The following IGSF10 variants were observed in gnomAD, a reference collection of about 807,000 sequenced individuals.
The protein encoded by IGSF10 is immunoglobulin superfamily member 10.
A neutral mutation model predicts 128.2 loss-of-function variants in IGSF10; 126 were observed. The ratio of observed to expected loss-of-function variants is 0.98; its 90% CI spans 0.85 to 1.14. The LOEUF (loss-of-function observed/expected upper bound fraction) is 1.14, where lower values mean the gene tolerates loss of function less well. IGSF10 is among the 50% of genes most tolerant of loss of function. The probability of loss-of-function intolerance (pLI) is 0.00; values close to 1 mark genes in which losing one functional copy is unlikely to be tolerated. For missense variants in IGSF10, 3,295 were observed against 3,149.8 expected, an observed-to-expected ratio of 1.05 and a Z score of -1.10; for synonymous variants, 1,185 against 1,146.2, an observed-to-expected ratio of 1.03 and a Z score of -0.68.
the IGSF10 span, among the ~76,000 whole-genome samples, chr3:151,584,288 C>T: frequency 2.0e-5 from 3 of 152,286 alleles, no homozygotes; most frequent in East Asian, 5.8e-4. Flanking sequence ...TTGGCATTTG[C>T]ATAGTACATC....
Position 151,443,663 on chromosome 3 carries a change from T to C in IGSF10, c.5284A>G (p.Thr1762Ala), listed in dbSNP as rs781582867. ...TKEITVHSGS[T>A]VELKCRAEGR... ...TCTGCTCTGCACTTCAGTTCCACAGTGCTTCCGGAATGAACTGTGATCTCT... is the reference window on the plus strand; with the variant it reads ...TCTGCTCTGCACTTCAGTTCCACAGCGCTTCCGGAATGAACTGTGATCTCT... Residue 1762 changes from threonine to alanine, a missense_variant, in exon 7 of 8, where the codon ACT becomes GCT. Physicochemically the swap from Thr to Ala is moderately conservative, Grantham distance 58. Coordinates refer to ENST00000282466, the MANE Select transcript of IGSF10 (RefSeq NM_178822.5). The C allele has an allele frequency of 3.1e-6, 5 of 1,614,084 alleles. No individual in the cohort carries two copies. Among genetic ancestry groups the C allele is most frequent in the East Asian group, 2.2e-5 (1 of 44,894 alleles).
Position 151,453,663 on chromosome 3 carries a change from G to A in IGSF10, c.436C>T (p.Pro146Ser). Residue 146 changes from proline to serine, a missense_variant, in exon 5 of 8, where the codon CCA (proline) becomes TCA (serine). Transcript: ENST00000282466. ...MDHNNIEFIN[P>S]EVFYGLNFLR... The stretch of plus-strand genomic sequence containing the variant: ...AAGTTGAGCCCATAAAAAACCTCTG[G>A]GTTTATAAACTCAATATTGTTGTGG... 2 of 1,613,628 alleles carry A rather than the reference G, an allele frequency of 1.2e-6. No individual in the cohort carries two copies. Among genetic ancestry groups the A allele is most frequent in the African/African-American group, 1.3e-5 (1 of 74,956 alleles).
At chr3:151,468,542 G>T in the IGSF10 span, among the ~76,000 whole-genome samples, 1 of 152,126 alleles carries the variant, frequency 6.6e-6, no homozygotes, top group Non-Finnish European at 1.5e-5. Flanking sequence ...CATTGACGGG[G>T]CTCCCAGGGA....
chr3:151,587,507 G>T, the IGSF10 span, among the ~76,000 whole-genome samples: 6 of 152,096 alleles, frequency 3.9e-5, no homozygotes, highest in African/African-American at 1.4e-4. Context: ...TCTGGGCATT[G>T]AATCAGATTT....
the IGSF10 span, among the ~76,000 whole-genome samples, chr3:151,515,250 A>G: frequency 1.3e-5 from 2 of 152,142 alleles, no homozygotes; most frequent in African/African-American, 4.8e-5. Flanking sequence ...TGGATTAAGA[A>G]AATGTGGCAC....
At chr3:151,551,566 T>G in the IGSF10 span, among the ~76,000 whole-genome samples, 1 of 152,062 alleles carries the variant, frequency 6.6e-6, no homozygotes, top group Admixed American at 6.6e-5. Flanking sequence ...TCAACTGCAC[T>G]TTAATTTGAG....
Position 151,443,771 on chromosome 3 carries a change from A to G in IGSF10, c.5176T>C (p.Ser1726Pro). 2 of 1,614,164 alleles carry G rather than the reference A, an allele frequency of 1.2e-6. No individual in the cohort carries two copies. Among genetic ancestry groups the G allele is most frequent in the Non-Finnish European group, 8.5e-7 (1 of 1,180,036 alleles). The change falls in exon 7 of 8, where the codon TCC becomes CCC. Residue 1726 changes from serine (S) to proline (P), a missense_variant. Transcript: ENST00000282466. ...QDRGQYLCSA[S>P]NLFGTDHLHV... is the part of the protein sequence containing the mutation. ...AGGTGGTCTGTGCCAAACAGATTGG[A>G]TGCGGAACACAAGTACTGTCCGCGG...
chr3:151,528,980 AGT>A, the IGSF10 span, among the ~76,000 whole-genome samples: 1 of 152,006 alleles, frequency 6.6e-6, no homozygotes, highest in Admixed American at 6.5e-5. Context: ...CCAGCACAGC[AGT>A]CTGAGGTCAA....
intron 4 of IGSF10, 94 bp from the exon 5 acceptor site, chr3:151,453,868 A>C: frequency 1.4e-6 from 1 of 729,124 alleles, no homozygotes; most frequent in Non-Finnish European, 2.3e-6. Context: ...GTTGAAATTA[A>C]TTCAGTGCAA....
In IGSF10 at chr3:151,447,058, G is replaced by A. The variant is rs767135442; in HGVS notation, c.2923C>T (p.Gln975Ter). Residue 975 changes from glutamine to a stop codon, truncating the protein, a stop_gained, in exon 6 of 8, where the codon CAA (glutamine) becomes TAA (stop). Transcript: ENST00000282466. LOFTEE classifies it high-confidence loss of function. ...RHNHFYSHTT[Q>*]ILSTSTFPSD... ...GGGAACGTGGAGGTGCTAAGTATTT[G>A]AGTAGTGTGAGAATAGAAGTGATTG... 2.5e-6 allele frequency: 4 copies of A among 1,614,126 alleles called. No individual in the cohort carries two copies. Among genetic ancestry groups the A allele is most frequent in the Non-Finnish European group, 3.4e-6 (4 of 1,179,958 alleles).
At chr3:151,514,222 T>C in the IGSF10 span, among the ~76,000 whole-genome samples, 4 of 152,054 alleles carry the variant, frequency 2.6e-5, no homozygotes, top group African/African-American at 7.2e-5. Context: ...CTTCAAACTA[T>C]ACTACAAGGT....
the IGSF10 span, among the ~76,000 whole-genome samples, chr3:151,572,127 T>C: frequency 6.6e-6 from 1 of 152,206 alleles, no homozygotes; most frequent in Admixed American, 6.5e-5. Flanking sequence ...TTTGCCGGTA[T>C]TTTATTGAGG....
rs147401923 is a variant in IGSF10, at chr3:151,443,633, T to C, written c.5314A>G (p.Arg1772Gly). The C allele has an allele frequency of 7.4e-6, 12 of 1,614,134 alleles. No individual in the cohort carries two copies. The highest frequency in any genetic ancestry group is 5.3e-5 in the African/African-American group (4 of 74,946). Residue 1772 changes from arginine to glycine, a missense_variant, in exon 7 of 8, where the codon AGG (arginine) becomes GGG (glycine). Transcript: ENST00000282466. ...TVELKCRAEG[R>G]PSPTVTWILA... ...ATCCAGGTAACTGTAGGGCTTGGCC[T>C]ACCTTCTGCTCTGCACTTCAGTTCC...
At chr3:151,538,828 T>TA in the IGSF10 span, among the ~76,000 whole-genome samples, 1 of 152,188 alleles carries the variant, frequency 6.6e-6, no homozygotes, top group Non-Finnish European at 1.5e-5. Flanking sequence ...CTTGGACCCT[T>TA]AAAACCATTA....
At chr3:151,438,820 TGA>T (rs1410156070) in intron 7 of IGSF10, among the ~76,000 whole-genome samples, 2 of 133,918 alleles carry the variant, frequency 1.5e-5, no homozygotes, top group East Asian at 5.2e-4. Flanking sequence ...ATATACATTT[TGA>T]GATATATATA....
the IGSF10 span, among the ~76,000 whole-genome samples, chr3:151,473,137 C>T: frequency 7.2e-4 from 109 of 152,318 alleles, 1 homozygote; most frequent in Middle Eastern, 3.4e-3. Context: ...TTTTCCTCAT[C>T]TTTTGTTGCC....
chr3:151,507,098 T>C, the IGSF10 span, among the ~76,000 whole-genome samples: 3 of 152,234 alleles, frequency 2.0e-5, no homozygotes, highest in Non-Finnish European at 4.4e-5. Flanking sequence ...TCTGGTGACA[T>C]GTTCTTAGTG....
the IGSF10 span, among the ~76,000 whole-genome samples, chr3:151,617,335 C>T: frequency 0.11 from 8,357 of 76,884 alleles, 514 homozygotes; most frequent in Middle Eastern, 0.14. Flanking sequence ...CTCCTCCTCC[C>T]CCTCCTCCTC....
chr3:151,458,618 C>T lies in IGSF10; in HGVS notation c.92G>A (p.Arg31His), dbSNP rs374510873. ...CGTAGGCATATAACAGGCACAGCGG[C>T]GAGGACAGGCCTTGCCCCCAGGGGT... ...VATPGGKACP[R>H]RCACYMPTEV... Residue 31 changes from arginine (R) to histidine (H), a missense_variant, in exon 3 of 8, where the codon CGC (arginine) becomes CAC (histidine). Physicochemically the swap from Arg to His is conservative, Grantham distance 29. Transcript: ENST00000282466. 17 of 1,614,018 alleles carry T rather than the reference C, an allele frequency of 1.1e-5. No individual in the cohort carries two copies. In the Admixed American group the frequency reaches 1.8e-4, roughly 17 times the overall value.
Sources: gnomAD v4.1 joint callset for allele counts (sites outside exome capture counted in the v4.1 genomes callset) on GRCh38, gnomAD v4.1.1 for gene constraint, MANE v1.5 for transcripts, NCBI Gene and HGNC (gene_info 2026-07-23, HGNC 2026-07-21) for gene names.